PCDH15: variants seen among roughly 807,000 people sequenced by gnomAD.
PCDH15 encodes protocadherin related 15, also known as protocadherin-15.
Under a neutral mutation model 178.5 loss-of-function variants are expected in PCDH15, and 129 were observed. The ratio of observed to expected loss-of-function variants is 0.72; its 90% confidence interval spans 0.63 to 0.84. PCDH15 has a LOEUF of 0.84. PCDH15 is among the 40% of genes least tolerant of loss of function. The pLI, the probability that PCDH15 is intolerant of heterozygous loss-of-function variation, is 0.00. For missense variants in PCDH15, 2,230 were observed against 2,099.9 expected (o/e 1.06, Z -1.21); for synonymous variants, 800 against 732.0 (o/e 1.09, Z -1.50).
Position 53,806,435 on chromosome 10 carries a change from C to G in PCDH15, c.*144G>C. On this transcript the variant is annotated 3_prime_UTR_variant, in exon 38 of 38. Coordinates refer to ENST00000644397, the MANE Select transcript of PCDH15 (RefSeq NM_001384140.1). ...TAACAATGTGAGTGCAAATCTGTCT[C>G]TTAAAATTTTAAAGCATATTGTTCA... The G allele has an allele frequency of 1.4e-6, 1 of 719,646 alleles. No homozygotes were observed. Among genetic ancestry groups the G allele is most frequent in the Non-Finnish European group, 2.2e-6 (1 of 453,760 alleles). 44.6% of individuals were successfully genotyped at this position (719,646 alleles called of 1,614,324 possible).
chr10:54,522,843 C>A (rs1192363470), intron 3 of PCDH15, among the ~76,000 whole-genome samples: 1 of 152,130 alleles, frequency 6.6e-6, no homozygotes, highest in African/African-American at 2.4e-5. Flanking sequence ...AGCAGGTGGT[C>A]TTTACTTACA....
chr10:55,332,316 A>G (rs891576391), intron 2 of PCDH15, among the ~76,000 whole-genome samples: 1 of 152,166 alleles, frequency 6.6e-6, no homozygotes, highest in Non-Finnish European at 1.5e-5. Flanking sequence ...GATACTATTT[A>G]AGGTTTAAAC....
chr10:55,502,755 G>A (rs1840683156), intron 2 of PCDH15, among the ~76,000 whole-genome samples: 1 of 151,478 alleles, frequency 6.6e-6, no homozygotes, highest in Admixed American at 6.6e-5. Context: ...CCTTAATGTG[G>A]TTATAAATAA....
At chr10:55,420,002 A>G (rs1838580669) in intron 2 of PCDH15, among the ~76,000 whole-genome samples, 1 of 151,682 alleles carries the variant, frequency 6.6e-6, no homozygotes, top group Non-Finnish European at 1.5e-5. Context: ...TTCAGCAAAC[A>G]TTTAGTAATA....
chr10:54,186,493 A>T (rs2048482592), intron 11 of PCDH15, among the ~76,000 whole-genome samples: 1 of 152,022 alleles, frequency 6.6e-6, no homozygotes, highest in African/African-American at 2.4e-5. Context: ...ATATGTGTAG[A>T]TTTCAAATAA....
intron 2 of PCDH15, among the ~76,000 whole-genome samples, chr10:54,539,447 C>T (rs1406833158): frequency 6.6e-6 from 1 of 152,182 alleles, no homozygotes; most frequent in Admixed American, 6.5e-5. Flanking sequence ...TAACTATATA[C>T]ATATGCAATA....
chr10:54,975,602 A>G (rs982649230), intron 2 of PCDH15, among the ~76,000 whole-genome samples: 7 of 152,222 alleles, frequency 4.6e-5, no homozygotes, highest in African/African-American at 1.7e-4. Flanking sequence ...TTTCTAGGAG[A>G]GGTGACTTTT....
intron 5 of PCDH15, among the ~76,000 whole-genome samples, chr10:54,358,689 C>T (rs1945468654): frequency 6.6e-6 from 1 of 152,126 alleles, no homozygotes; most frequent in South Asian, 2.1e-4. Flanking sequence ...AGAAATCATG[C>T]TGCTGTAAAG....
chr10:55,489,912 A>T (rs2132126937), intron 2 of PCDH15, among the ~76,000 whole-genome samples: 1 of 151,798 alleles, frequency 6.6e-6, no homozygotes, highest in East Asian at 2.0e-4. Context: ...GAACTTAGAA[A>T]GAAGTGTCCA....
intron 3 of PCDH15, among the ~76,000 whole-genome samples, chr10:54,850,392 A>C (rs2131764881): frequency 6.6e-6 from 1 of 152,172 alleles, no homozygotes; most frequent in South Asian, 2.1e-4. Context: ...CCATCACCCA[A>C]GCAGTATACA....
intron 2 of PCDH15, among the ~76,000 whole-genome samples, chr10:55,625,915 T>G (rs1222222687): frequency 2.6e-5 from 4 of 152,168 alleles, no homozygotes. Context: ...GGTCTCCCTA[T>G]ACTCTCCATG....
chr10:54,703,076 T>C (rs1036699637), intron 1 of PCDH15, among the ~76,000 whole-genome samples: 1 of 152,088 alleles, frequency 6.6e-6, no homozygotes, highest in Non-Finnish European at 1.5e-5. Context: ...GTTCAACATA[T>C]GCAAAGTTAG....
At chr10:55,272,237 A>C (rs996495797) in intron 1 of PCDH15, among the ~76,000 whole-genome samples, 1 of 151,990 alleles carries the variant, frequency 6.6e-6, no homozygotes, top group African/African-American at 2.4e-5. Context: ...ATTGAAAACA[A>C]AACAACTAAG....
chr10:54,776,352 A>T lies in PCDH15; in HGVS notation c.-29+24573T>A, dbSNP rs904228780. Among the ~76,000 whole-genome samples, 20 of 152,152 alleles carry T rather than the reference A, an allele frequency of 1.3e-4. 1 individual carries two copies. Among genetic ancestry groups the T allele is most frequent in the Non-Finnish European group, 2.9e-5 (2 of 68,032 alleles). On this transcript the variant is annotated intron_variant, in intron 1 of 37. Transcript: ENST00000644397. ...AGGTATTCATCAAACTGGTTGATAA[A>T]ATTAACTAGTCCCAGCTTAAGATAT...
chr10:53,910,289 T>C (rs2082987305), intron 25 of PCDH15, among the ~76,000 whole-genome samples: 1 of 152,156 alleles, frequency 6.6e-6, no homozygotes, highest in Admixed American at 6.5e-5. Flanking sequence ...TGGGTGGCTC[T>C]CTGGGATGAA....
intron 2 of PCDH15, among the ~76,000 whole-genome samples, chr10:55,502,029 G>T (rs953451332): frequency 4.0e-5 from 6 of 151,432 alleles, no homozygotes; most frequent in African/African-American, 1.5e-4. Flanking sequence ...GTAACTATGT[G>T]TGATACCTAG....
intron 3 of PCDH15, among the ~76,000 whole-genome samples, chr10:54,405,357 T>C (rs1393517636): frequency 6.6e-6 from 1 of 152,026 alleles, no homozygotes; most frequent in Non-Finnish European, 1.5e-5. Context: ...TGCAGCCATA[T>C]AAAGGATGAG....
chr10:55,596,713 A>G (rs1842942101), intron 2 of PCDH15, among the ~76,000 whole-genome samples: 1 of 152,178 alleles, frequency 6.6e-6, no homozygotes, highest in Non-Finnish European at 1.5e-5. Context: ...TAATTTTTAC[A>G]TTTTGATTTT....
chr10:55,553,650 G>A (rs1024947629), intron 2 of PCDH15, among the ~76,000 whole-genome samples: 4 of 151,718 alleles, frequency 2.6e-5, no homozygotes, highest in African/African-American at 7.3e-5. Context: ...TGAGAACAAG[G>A]ATCAGTAACA....
Sources: allele counts gnomAD v4.1 joint callset (sites outside exome capture counted in the v4.1 genomes callset), GRCh38; gene constraint gnomAD v4.1.1; transcripts MANE v1.5; gene names NCBI Gene and HGNC (gene_info 2026-07-23, HGNC 2026-07-21).